The following KCND2 variants were observed in gnomAD, a reference collection of about 807,000 sequenced individuals.
The protein encoded by KCND2 is A-type voltage-gated potassium channel KCND2.
A neutral mutation model predicts 54.4 loss-of-function variants in KCND2; 16 were observed. That is an observed-to-expected ratio of 0.29 (90% CI 0.20 to 0.45). KCND2 has a LOEUF of 0.45. Ranked by LOEUF, KCND2 falls within the 20% of genes least tolerant of loss-of-function variation. KCND2 has a pLI of 1.00. For missense variants in KCND2, 486 were observed against 824.2 expected (o/e 0.59, Z 5.02); for synonymous variants, 317 against 310.7 (o/e 1.02, Z -0.21).
At chr7:120,335,525 C>T (rs936824789) in intron 1 of KCND2, among the ~76,000 whole-genome samples, 23 of 150,974 alleles carry the variant, frequency 1.5e-4, no homozygotes, top group Admixed American at 2.6e-4. Flanking sequence ...CTCGCTCTGT[C>T]GCCCAGGCTG....
At chr7:120,640,287 T>C (rs1366250093) in intron 1 of KCND2, among the ~76,000 whole-genome samples, 2 of 152,186 alleles carry the variant, frequency 1.3e-5, no homozygotes, top group Non-Finnish European at 1.5e-5. Flanking sequence ...ATTTTACCTG[T>C]GTTTGATGTT....
chr7:120,686,836 A>G (rs1247286123), intron 1 of KCND2, among the ~76,000 whole-genome samples: 1 of 152,170 alleles, frequency 6.6e-6, no homozygotes, highest in African/African-American at 2.4e-5. Flanking sequence ...CTTAGTACAC[A>G]TGCTTGAGTC....
intron 2 of KCND2, among the ~76,000 whole-genome samples, chr7:120,738,615 C>G (rs1425344486): frequency 3.3e-5 from 5 of 151,992 alleles, no homozygotes; most frequent in Non-Finnish European, 5.9e-5. Flanking sequence ...CTTACTGAAA[C>G]TTTTCTCCAA....
At chr7:120,284,041 A>C (rs1290135220) in intron 1 of KCND2, among the ~76,000 whole-genome samples, 2 of 152,168 alleles carry the variant, frequency 1.3e-5, no homozygotes, top group African/African-American at 4.8e-5. Context: ...TTGGAAATAC[A>C]TGGGTTTGGA....
chr7:120,396,510 G>A (rs1048183544), intron 1 of KCND2, among the ~76,000 whole-genome samples: 1 of 151,812 alleles, frequency 6.6e-6, no homozygotes, highest in Non-Finnish European at 1.5e-5. Flanking sequence ...TTTTTAATAG[G>A]AGATTGGTTA....
chr7:120,688,334 C>T (rs545882421), intron 1 of KCND2, among the ~76,000 whole-genome samples: 53 of 152,168 alleles, frequency 3.5e-4, no homozygotes, highest in Non-Finnish European at 5.9e-4. Flanking sequence ...TCAGAAAAGA[C>T]GCAAGCAAAC....
At chr7:120,300,397 T>C (rs80319767) in intron 1 of KCND2, among the ~76,000 whole-genome samples, 1,796 of 152,196 alleles carry the variant, frequency 0.012, 20 homozygotes, top group African/African-American at 0.039. Flanking sequence ...ATCTTTAAGC[T>C]CTGGATTTGC....
At chr7:120,321,758 G>T (rs188126324) in intron 1 of KCND2, among the ~76,000 whole-genome samples, 2 of 151,906 alleles carry the variant, frequency 1.3e-5, no homozygotes, top group South Asian at 2.1e-4. Context: ...TGTCCAACAC[G>T]CTTGCTGTTC....
At chr7:120,733,820 G>A (rs1792838496) in intron 2 of KCND2, among the ~76,000 whole-genome samples, 1 of 151,942 alleles carries the variant, frequency 6.6e-6, no homozygotes, top group African/African-American at 2.4e-5. Flanking sequence ...GTAAAATGGG[G>A]AAAATAATAA....
At chr7:120,356,673 A>G (rs896621821) in intron 1 of KCND2, among the ~76,000 whole-genome samples, 1 of 152,138 alleles carries the variant, frequency 6.6e-6, no homozygotes, top group Non-Finnish European at 1.5e-5. Context: ...GAGCATGAAA[A>G]CAACCACAAT....
rs1791844012 is a variant in KCND2, at chr7:120,659,782, A to G, written c.1116-73121A>G. On this transcript the variant is annotated intron_variant, in intron 1 of 5. Coordinates refer to ENST00000331113, the MANE Select transcript of KCND2 (RefSeq NM_012281.3). ...GAAGTCCTGTAGTCGGCCCTGCAGA[A>G]TCCCGCAGAACCTGCCTGTAGGAAA... Among the ~76,000 whole-genome samples the G allele has an allele frequency of 2.0e-5, 3 of 152,322 alleles. No homozygotes were observed. In the South Asian group the frequency reaches 6.2e-4, roughly 32 times the overall value.
At chr7:120,633,001 TTC>T (rs1242752173) in intron 1 of KCND2, among the ~76,000 whole-genome samples, 3 of 152,174 alleles carry the variant, frequency 2.0e-5, no homozygotes, top group Non-Finnish European at 4.4e-5. Context: ...CCTGCAACAA[TTC>T]TCAGAAATAA....
chr7:120,290,338 A>C (rs2116274552), intron 1 of KCND2, among the ~76,000 whole-genome samples: 1 of 152,212 alleles, frequency 6.6e-6, no homozygotes, highest in South Asian at 2.1e-4. Context: ...AATATACATT[A>C]AAATAATTAT....
intron 1 of KCND2, among the ~76,000 whole-genome samples, chr7:120,305,662 C>T (rs1193232012): frequency 6.6e-6 from 1 of 152,088 alleles, no homozygotes; most frequent in Non-Finnish European, 1.5e-5. Context: ...TTTTCCCAAC[C>T]CTCCCAAGTA....
intron 1 of KCND2, among the ~76,000 whole-genome samples, chr7:120,638,441 T>C (rs1349612952): frequency 2.0e-5 from 3 of 152,154 alleles, no homozygotes; most frequent in Admixed American, 6.5e-5. Context: ...AGAAGACTAA[T>C]TAGGAAAAAG....
chr7:120,350,172 A>G (rs1021461787), intron 1 of KCND2, among the ~76,000 whole-genome samples: 7 of 152,128 alleles, frequency 4.6e-5, no homozygotes, highest in African/African-American at 1.7e-4. Flanking sequence ...TTCAGATTCT[A>G]TAAGTGTTTC....
intron 1 of KCND2, among the ~76,000 whole-genome samples, chr7:120,561,890 G>A (rs1792239604): frequency 6.6e-6 from 1 of 152,102 alleles, no homozygotes; most frequent in South Asian, 2.1e-4. Context: ...GGGATTACAG[G>A]CATTCGCCAC....
At chr7:120,340,495 T>C (rs1032793351) in intron 1 of KCND2, among the ~76,000 whole-genome samples, 14 of 152,258 alleles carry the variant, frequency 9.2e-5, no homozygotes, top group African/African-American at 3.4e-4. Context: ...GGCATGCTAG[T>C]TTTGAAATAT....
chr7:120,648,464 AG>A (rs1299202836), intron 1 of KCND2, among the ~76,000 whole-genome samples: 2 of 152,184 alleles, frequency 1.3e-5, no homozygotes, highest in African/African-American at 4.8e-5. Flanking sequence ...GAGTGTAAAA[AG>A]GCAAATAAGA....
Sources: allele counts gnomAD v4.1 joint callset (sites outside exome capture counted in the v4.1 genomes callset), GRCh38; gene constraint gnomAD v4.1.1; transcripts MANE v1.5; gene names NCBI Gene and HGNC (gene_info 2026-07-23, HGNC 2026-07-21).